Variants in LTBR observed in about 807,000 individuals in gnomAD.
The protein encoded by LTBR is lymphotoxin beta receptor, also known as tumor necrosis factor receptor superfamily member 3.
LTBR carries 15 observed loss-of-function variants against 45.4 expected under a neutral mutation model. The observed-to-expected ratio is 0.33, with a 90% CI of 0.22 to 0.51. The LOEUF is 0.51. LTBR is among the 20% of genes least tolerant of loss of function. The pLI is 0.97. For missense variants in LTBR, 450 were observed against 565.5 expected, an observed-to-expected ratio of 0.80 and a Z score of 2.07; for synonymous variants, 228 against 231.0, an observed-to-expected ratio of 0.99 and a Z score of 0.12.
intron 9 of LTBR, 142 bp from the exon 10 acceptor site, chr12:6,390,518 T>G (rs1949101016): frequency 2.9e-6 from 3 of 1,039,348 alleles, no homozygotes; most frequent in South Asian, 1.6e-5. Context: ...AGCAGAGAAA[T>G]GAACACAGAA....
At chr12:6,383,813 C>T (rs1433405393), upstream of LTBR, among the ~76,000 whole-genome samples, 1 of 152,254 alleles carries the variant, frequency 6.6e-6, no homozygotes, top group Non-Finnish European at 1.5e-5. Context: ...CTGCCCTCTC[C>T]ATGACTGCCC....
At position 6,388,393 on chromosome 12, in the gene LTBR, G is replaced by C; in HGVS notation, c.668-5G>C. ...TGATCACCCTCCTGTCTGCTGTCCTGGCAGGAACCATGCTGATGCTGGCCG... is the reference window on the plus strand; with the variant it reads ...TGATCACCCTCCTGTCTGCTGTCCTCGCAGGAACCATGCTGATGCTGGCCG... On this transcript the variant is annotated splice_region_variant and splice_polypyrimidine_tract_variant and intron_variant, in intron 6 of 9. Transcript: ENST00000228918. The surrounding 1 kb of genome is among the most constrained non-coding windows in gnomAD (Gnocchi z 4.3). 6.2e-7 allele frequency: 1 copy of C among 1,611,124 alleles called. No homozygotes were observed. The highest frequency in any genetic ancestry group is 8.5e-7 in the Non-Finnish European group (1 of 1,177,924).
At chr12:6,383,085 C>T (rs1949000737), upstream of LTBR, among the ~76,000 whole-genome samples, 1 of 152,210 alleles carries the variant, frequency 6.6e-6, no homozygotes, top group African/African-American at 2.4e-5. Context: ...TGGTGGCACT[C>T]ACAGCCTGGT....
At chr12:6,384,934 G>C in intron 2 of LTBR, 88 bp from the exon 3 acceptor site, 2 of 1,546,152 alleles carry the variant, frequency 1.3e-6, no homozygotes, top group South Asian at 1.1e-5. Context: ...CAGAGAGACC[G>C]AGGGAAAGGC....
In LTBR at chr12:6,377,295, A is replaced by G. The variant is rs72645154; in HGVS notation, c.39+1701A>G. 7.6e-5 allele frequency: 117 copies of G among 1,546,180 alleles called. 1 individual carries two copies. The African/African-American group carries it at 1.4e-3, about 19-fold the overall frequency. ...ACCTCCCCTTGGAAGGGACAGCTGG[A>G]TTTTTCTTCATTGTCCTAATGAAGA... On this transcript the variant is annotated intron_variant, in intron 1 of 9. Coordinates refer to the LTBR transcript ENST00000539925.
At chr12:6,383,327 C>G (rs1000148974), upstream of LTBR, among the ~76,000 whole-genome samples, 18 of 152,110 alleles carry the variant, frequency 1.2e-4, no homozygotes, top group Non-Finnish European at 1.6e-4. Flanking sequence ...AGGGCAGGAA[C>G]GAGACCAGGC....
chr12:6,384,766 G>C, intron 2 of LTBR, 82 bp downstream of exon 2: 1 of 1,334,418 alleles, frequency 7.5e-7, no homozygotes. Context: ...CAGAGGGAAG[G>C]TGGGCACTGT....
intron 2 of LTBR, 54 bp downstream of exon 2, chr12:6,384,738 C>T: frequency 2.0e-6 from 3 of 1,509,874 alleles, no homozygotes; most frequent in Non-Finnish European, 2.8e-6. Flanking sequence ...CACGGGGGCT[C>T]CAGCCCCCTC....
intron 8 of LTBR, chr12:6,389,875 A>G (rs1305837417): frequency 1.0e-5 from 5 of 479,366 alleles, no homozygotes; most frequent in Non-Finnish European, 1.9e-5. Flanking sequence ...GGATCACTTG[A>G]GTCCAAGAGT....
chr12:6,390,978 A>T lies in LTBR; in HGVS notation c.*41A>T. ...GGCAGAAGAAGGGGGGCACAAGGGC[A>T]CCTTCTCCCTTGAGGCTGCCCTGCC... On this transcript the variant is annotated 3_prime_UTR_variant, in exon 10 of 10. Coordinates refer to ENST00000228918, the MANE Select transcript of LTBR (RefSeq NM_002342.3). The T allele has an allele frequency of 6.7e-7, 1 of 1,495,894 alleles. No individual in the cohort carries two copies. The highest frequency in any genetic ancestry group is 8.9e-7 in the Non-Finnish European group (1 of 1,121,820). The allele number at this position is 1,495,894 out of a possible 1,614,324, so 92.7% of individuals were successfully genotyped here. A position where few individuals can be genotyped will look rare whatever the true frequency, so the allele number is the denominator to read the frequency against.
intron 1 of LTBR, chr12:6,375,869 G>C (rs2071244): frequency 0.27 from 348,012 of 1,292,822 alleles, 51,733 homozygotes; most frequent in East Asian, 0.64. Flanking sequence ...GTGGGGAACC[G>C]GGAGGACAGG....
At chr12:6,378,793 C>A (rs906055529) in intron 1 of LTBR, among the ~76,000 whole-genome samples, 1 of 152,192 alleles carries the variant, frequency 6.6e-6, no homozygotes, top group Non-Finnish European at 1.5e-5. Flanking sequence ...TAGACTCTGT[C>A]TTGGAAGGAC....
intron 3 of LTBR, 22 bp downstream of exon 3, chr12:6,385,169 G>T (rs771515918): frequency 6.8e-6 from 11 of 1,613,750 alleles, no homozygotes; most frequent in Non-Finnish European, 7.6e-6. Context: ...TGTGCCTGCG[G>T]GGGGGCTGGA....
chr12:6,384,330 G>T lies in LTBR; in HGVS notation c.-29G>T. 1.4e-6 allele frequency: 2 copies of T among 1,462,828 alleles called. No individual in the cohort carries two copies. The highest frequency in any genetic ancestry group is 1.8e-6 in the Non-Finnish European group (2 of 1,112,954). The allele number at this position is 1,462,828 out of a possible 1,614,324, so 90.6% of individuals were successfully genotyped here. A position where few individuals can be genotyped will look rare whatever the true frequency, so the allele number is the denominator to read the frequency against. ...TCCTGCCTTCCTCCCAGGCCCCCAC[G>T]TTGCTGGCCGCCTGGCCGAGTGGCC... On this transcript the variant is annotated 5_prime_UTR_variant, in exon 1 of 10. Transcript: ENST00000228918.
intron 1 of LTBR, among the ~76,000 whole-genome samples, chr12:6,378,345 C>T (rs140766899): frequency 0.01 from 1,544 of 152,282 alleles, 28 homozygotes; most frequent in African/African-American, 0.035. Context: ...TGGAGTACAG[C>T]AGCATGATCA....
Position 6,388,818 on chromosome 12 carries a change from G to A in LTBR, c.794G>A (p.Arg265His), listed in dbSNP as rs764079228. 32 of 1,613,950 alleles carry A rather than the reference G, an allele frequency of 2.0e-5. No individual in the cohort carries two copies. The highest frequency in any genetic ancestry group is 1.3e-4 in the South Asian group (12 of 91,078). Residue 265 changes from arginine (R) to histidine (H), a missense_variant, in exon 8 of 10, where the codon CGT becomes CAT. Arg to His is a conservative substitution (Grantham distance 29). Around this residue, in one of 3 missense-constraint regions of LTBR, gnomAD observed 367 missense variants for 435.4 expected, o/e 0.84. Coordinates refer to ENST00000228918, the MANE Select transcript of LTBR (RefSeq NM_002342.3). This position sits in a 1 kb window ranked among gnomAD's most constrained non-coding sequence, Gnocchi z 4.3. The part of the protein sequence containing the change: ...CRKLGSLLKR[R>H]PQGEGPNPVA... ...ATTGCAGGATCGCTGCTCAAGAGGC[G>A]TCCGCAGGTAATGGCGGGGGCTGAG...
intron 1 of LTBR, among the ~76,000 whole-genome samples, chr12:6,378,437 G>A (rs771752913): frequency 3.9e-5 from 6 of 152,170 alleles, no homozygotes; most frequent in African/African-American, 9.7e-5. Flanking sequence ...ACAAGTGTGA[G>A]CCACCATACT....
At chr12:6,384,914 G>A in intron 2 of LTBR, 108 bp from the exon 3 acceptor site, 3 of 1,457,198 alleles carry the variant, frequency 2.1e-6, no homozygotes, top group Non-Finnish European at 2.8e-6. Context: ...CTGGCAGGAT[G>A]ATGGGGGGCC....
rs956499905 is a variant in LTBR, at chr12:6,388,615, C to G, written c.775+110C>G. ...CCCTCAAGACTCCCAATGCCTACCC[C>G]CAACATAGACATCCTTATCTTCATC... On this transcript the variant is annotated intron_variant, in intron 7 of 9. Transcript: ENST00000228918. The surrounding 1 kb of genome is among the most constrained non-coding windows in gnomAD (Gnocchi z 4.3). The G allele has an allele frequency of 1.2e-5, 13 of 1,096,036 alleles. No individual in the cohort carries two copies. Among genetic ancestry groups the G allele is most frequent in the Non-Finnish European group, 1.7e-5 (12 of 723,532 alleles). The allele number at this position is 1,096,036 out of a possible 1,614,324, so 67.9% of individuals were successfully genotyped here. A position where few individuals can be genotyped will look rare whatever the true frequency, so the allele number is the denominator to read the frequency against.
Sources: gnomAD v4.1 joint callset for allele counts (sites outside exome capture counted in the v4.1 genomes callset) on GRCh38, gnomAD v4.1.1 for gene constraint, gnomAD v4.1.1 regional missense constraint, Gnocchi (gnomAD v3.1) non-coding constraint, MANE v1.5 for transcripts, NCBI Gene and HGNC (gene_info 2026-07-23, HGNC 2026-07-21) for gene names.